The following NRXN2 variants were observed in gnomAD, a reference collection of about 807,000 sequenced individuals.
NRXN2 encodes neurexin 2, also known as neurexin-2-beta.
Under a neutral mutation model 128.8 loss-of-function variants are expected in NRXN2, and 29 were observed. The observed-to-expected ratio is 0.23, with a 90% CI of 0.17 to 0.31. NRXN2 has a LOEUF of 0.31. NRXN2 is among the 10% of genes least tolerant of loss of function. The pLI is 1.00. For synonymous variants in NRXN2, 1,098 were observed against 1,075.2 expected, an observed-to-expected ratio of 1.02 and a Z score of -0.41; for missense variants, 1,881 against 2,452.6, an observed-to-expected ratio of 0.77 and a Z score of 4.92.
chr11:64,720,671 CAT>C (rs143883155), intron 1 of NRXN2, among the ~76,000 whole-genome samples: 18,246 of 152,190 alleles, frequency 0.12, 1,428 homozygotes, highest in East Asian at 0.32. Context: ...TGTTAGCAAA[CAT>C]GTGCTGGTGT....
intron 1 of NRXN2, among the ~76,000 whole-genome samples, chr11:64,722,621 C>T (rs964383460): frequency 1.3e-5 from 2 of 151,958 alleles, no homozygotes; most frequent in African/African-American, 2.4e-5. Context: ...CCCGGCGCTG[C>T]TTCAAGCCTC....
rs779011613 is a variant in NRXN2 at position 64,635,391 on chromosome 11, A to G, written c.3465T>C (p.Asn1155=). The change falls in exon 18 of 23, where the codon AAT becomes AAC. Residue 1155 remains asparagine (N), a synonymous_variant. Transcript: ENST00000265459. The surrounding 1 kb of genome is among the most constrained non-coding windows in gnomAD (Gnocchi z 4.8). ...GALITYTWPP[N]DRPSTRMDRL... The stretch of plus-strand genomic sequence containing the variant: ...GATCCATCCTCGTGCTGGGCCTGTC[A>G]TTGGGGGGCCACGTGTAGGTGATGA... The G allele has an allele frequency of 6.2e-7, 1 of 1,613,716 alleles. No individual in the cohort carries two copies. The highest frequency in any genetic ancestry group is 1.3e-5 in the African/African-American group (1 of 74,930).
chr11:64,702,349 A>G (rs374251373), intron 2 of NRXN2, among the ~76,000 whole-genome samples: 2 of 151,940 alleles, frequency 1.3e-5, no homozygotes, highest in Admixed American at 6.5e-5. Flanking sequence ...GCGGTTTTGT[A>G]GAATAGAAAG....
chr11:64,643,293 G>A, intron 17 of NRXN2: 4 of 979,998 alleles, frequency 4.1e-6, no homozygotes, highest in Non-Finnish European at 4.8e-6. Flanking sequence ...ACGGCGACTG[G>A]GGCCGGCCGC....
Sources: gnomAD v4.1 joint callset for allele counts (sites outside exome capture counted in the v4.1 genomes callset) on GRCh38, gnomAD v4.1.1 for gene constraint, Gnocchi (gnomAD v3.1) non-coding constraint, MANE v1.5 for transcripts, NCBI Gene and HGNC (gene_info 2026-07-23, HGNC 2026-07-21) for gene names.